The following HDAC9 variants were observed in gnomAD, a reference collection of about 807,000 sequenced individuals.
HDAC9 encodes MEF-2 interacting transcription repressor (MITR) protein.
In HDAC9, 41 loss-of-function variants were observed where a neutral mutation model predicts 139.4. The ratio of observed to expected loss-of-function variants is 0.29; its 90% CI spans 0.23 to 0.38. HDAC9 has a LOEUF of 0.38. Ranked by LOEUF, HDAC9 falls within the 10% of genes least tolerant of loss-of-function variation. The pLI is 1.00. For missense variants in HDAC9, 1,147 were observed against 1,297.0 expected (o/e 0.88, Z 1.78); for synonymous variants, 517 against 476.2 (o/e 1.09, Z -1.12).
intron 1 of HDAC9, among the ~76,000 whole-genome samples, chr7:18,342,248 T>A (rs1438690818): frequency 1.3e-5 from 2 of 151,856 alleles, no homozygotes; most frequent in Admixed American, 1.3e-4. Context: ...TGTCAGACTT[T>A]CAGCTCTGTT....
At position 18,170,055 on chromosome 7, in the gene HDAC9, A is replaced by T. The variant is rs560407818; in HGVS notation, c.25+7706A>T. Among the ~76,000 whole-genome samples the T allele has an allele frequency of 6.6e-5, 10 of 152,272 alleles. No individual in the cohort carries two copies. In the South Asian group the frequency reaches 1.9e-3, roughly 28 times the overall value. Reference sequence around the variant, plus strand: ...GCCACACTGTCTTCCACAATGGTTGAACTAGTTTGCACTCCCACCAACAGT... The same window carrying T: ...GCCACACTGTCTTCCACAATGGTTGTACTAGTTTGCACTCCCACCAACAGT... On this transcript the variant is annotated intron_variant, in intron 2 of 12. Transcript: ENST00000417496.
chr7:18,458,404 C>T (rs535871037), intron 1 of HDAC9, among the ~76,000 whole-genome samples: 1 of 152,262 alleles, frequency 6.6e-6, no homozygotes, highest in Admixed American at 6.5e-5. Flanking sequence ...AATTATGTGA[C>T]CTCCAAGCTA....
chr7:18,322,560 T>A (rs1323707698), intron 1 of HDAC9, among the ~76,000 whole-genome samples: 2 of 152,176 alleles, frequency 1.3e-5, no homozygotes, highest in Non-Finnish European at 2.9e-5. Flanking sequence ...TATTTCCATA[T>A]TGAAAGGATC....
At chr7:18,691,867 C>T (rs1372284477) in intron 12 of HDAC9, among the ~76,000 whole-genome samples, 1 of 151,908 alleles carries the variant, frequency 6.6e-6, no homozygotes, top group Non-Finnish European at 1.5e-5. Flanking sequence ...GGTCATATGA[C>T]CTTGGCATAC....
intron 17 of HDAC9, among the ~76,000 whole-genome samples, chr7:18,825,707 T>C (rs1390278039): frequency 6.7e-6 from 1 of 148,858 alleles, no homozygotes; most frequent in Non-Finnish European, 1.5e-5. Context: ...TTTATATATA[T>C]ATAAATTATA....
At chr7:18,295,015 C>T (rs1370198035) in intron 1 of HDAC9, among the ~76,000 whole-genome samples, 1 of 152,182 alleles carries the variant, frequency 6.6e-6, no homozygotes, top group East Asian at 1.9e-4. Flanking sequence ...TTGGAAAAAG[C>T]AGGCTTGGAC....
intron 22 of HDAC9, among the ~76,000 whole-genome samples, chr7:18,893,213 T>C (rs1200071258): frequency 6.6e-6 from 1 of 152,056 alleles, no homozygotes. Flanking sequence ...CTGTAAACCG[T>C]AAGCTACAGG....
At chr7:18,599,168 A>G (rs1369681735) in intron 6 of HDAC9, among the ~76,000 whole-genome samples, 1 of 152,212 alleles carries the variant, frequency 6.6e-6, no homozygotes, top group African/African-American at 2.4e-5. Flanking sequence ...GAAAAGTTTT[A>G]TATTTACAGA....
At chr7:18,947,048 C>T (rs1218942411) in intron 23 of HDAC9, among the ~76,000 whole-genome samples, 1 of 151,766 alleles carries the variant, frequency 6.6e-6, no homozygotes, top group African/African-American at 2.4e-5. Context: ...AAAGAAATCA[C>T]AGTGAAATAC....
At chr7:18,167,528 C>T (rs1434231191) in intron 2 of HDAC9, among the ~76,000 whole-genome samples, 2 of 152,088 alleles carry the variant, frequency 1.3e-5, no homozygotes, top group Non-Finnish European at 2.9e-5. Context: ...GGTTATTTCT[C>T]GTTCATATAA....
chr7:18,415,307 A>G (rs1434604078), intron 1 of HDAC9, among the ~76,000 whole-genome samples: 2 of 152,208 alleles, frequency 1.3e-5, no homozygotes, highest in Non-Finnish European at 1.5e-5. Flanking sequence ...CACTGGTACA[A>G]CTGCGCTAGT....
chr7:18,993,407 G>T (rs538683575), intron 25 of HDAC9, among the ~76,000 whole-genome samples: 2 of 152,128 alleles, frequency 1.3e-5, no homozygotes, highest in East Asian at 1.9e-4. Context: ...TCAAATTTTC[G>T]AAAGTAAAAC....
intron 22 of HDAC9, among the ~76,000 whole-genome samples, chr7:18,916,022 G>GGAAAGAAAAAAAAAAAAA (rs1491394538): frequency 7.2e-6 from 1 of 138,122 alleles, no homozygotes; most frequent in Admixed American, 7.3e-5. Flanking sequence ...CCCCCCGCTG[G>GGAAAGAAAAAAAAAAAAA]AAAAAAAAAA....
intron 21 of HDAC9, among the ~76,000 whole-genome samples, chr7:18,851,113 T>C (rs1797253444): frequency 6.6e-6 from 1 of 152,228 alleles, no homozygotes; most frequent in Non-Finnish European, 1.5e-5. Context: ...AGTGCTTCCC[T>C]TTGCCTAGCA....
At chr7:18,959,156 A>G (rs1783358973) in intron 24 of HDAC9, among the ~76,000 whole-genome samples, 1 of 152,084 alleles carries the variant, frequency 6.6e-6, no homozygotes, top group Admixed American at 6.6e-5. Context: ...CACTCTTTAT[A>G]CCAGTGCTGG....
Position 18,727,759 on chromosome 7 carries a change from T to G in HDAC9, c.1909+2T>G, listed in dbSNP as rs1400418318. The G allele has an allele frequency of 6.6e-7, 1 of 1,510,886 alleles. No individual in the cohort carries two copies. The highest frequency in any genetic ancestry group is 8.8e-7 in the Non-Finnish European group (1 of 1,137,644). 93.6% of individuals were successfully genotyped at this position (1,510,886 alleles called of 1,614,324 possible). ...CCCTCCAGCCTGGCTCTGCAACTGG[T>G]AGGAATCCCTAAAGACTCTCTCTAA... On this transcript the variant is annotated splice_donor_variant, in intron 13 of 25. Coordinates refer to ENST00000686413, the MANE Select transcript of HDAC9 (RefSeq NM_178425.4). LOFTEE classifies it high-confidence loss of function.
At chr7:18,686,781 T>C (rs140909819) in intron 12 of HDAC9, among the ~76,000 whole-genome samples, 110 of 151,938 alleles carry the variant, frequency 7.2e-4, no homozygotes, top group Middle Eastern at 3.4e-3. Context: ...TAAAACACTA[T>C]GTTTAAAAGA....
chr7:18,632,753 A>G (rs1387726270), intron 7 of HDAC9, among the ~76,000 whole-genome samples: 2 of 152,032 alleles, frequency 1.3e-5, no homozygotes, highest in Non-Finnish European at 2.9e-5. Context: ...GTAGTGACTC[A>G]GAAATATGAG....
chr7:18,161,142 C>T (rs1299322075), intron 1 of HDAC9, among the ~76,000 whole-genome samples: 1 of 151,852 alleles, frequency 6.6e-6, no homozygotes, highest in Non-Finnish European at 1.5e-5. Context: ...TATTGAGCAC[C>T]AAGGATGTGA....
Sources: allele counts gnomAD v4.1 joint callset (sites outside exome capture counted in the v4.1 genomes callset), GRCh38; gene constraint gnomAD v4.1.1; transcripts MANE v1.5; gene names NCBI Gene and HGNC (gene_info 2026-07-23, HGNC 2026-07-21).